DLG2: variants seen among roughly 807,000 people sequenced by gnomAD.
The protein encoded by DLG2 is disks large homolog 2.
DLG2 carries 45 observed loss-of-function variants against 132.5 expected under a neutral mutation model. The observed-to-expected ratio is 0.34, with a 90% CI of 0.27 to 0.44. The LOEUF (loss-of-function observed/expected upper bound fraction) is 0.44, where lower values mean the gene tolerates loss of function less well. Ranked by LOEUF, DLG2 falls within the 20% of genes least tolerant of loss-of-function variation. The probability of loss-of-function intolerance (pLI) is 1.00; values close to 1 mark genes in which losing one functional copy is unlikely to be tolerated. For missense variants in DLG2, 1,045 were observed against 1,196.9 expected (o/e 0.87, Z 1.87); for synonymous variants, 424 against 419.6 (o/e 1.01, Z -0.13).
At chr11:84,531,069 T>C (rs1199598154) in intron 7 of DLG2, among the ~76,000 whole-genome samples, 1 of 152,020 alleles carries the variant, frequency 6.6e-6, no homozygotes, top group Non-Finnish European at 1.5e-5. Context: ...GGAGCCAAGA[T>C]TGTGCCACTG....
At chr11:85,015,604 C>A (rs1369157675) in intron 6 of DLG2, among the ~76,000 whole-genome samples, 1 of 152,008 alleles carries the variant, frequency 6.6e-6, no homozygotes, top group African/African-American at 2.4e-5. Context: ...AGAGCAAAAG[C>A]TTGAAAAAGA....
chr11:83,611,073 C>T (rs1158505877), intron 19 of DLG2, among the ~76,000 whole-genome samples: 1 of 152,016 alleles, frequency 6.6e-6, no homozygotes, highest in African/African-American at 2.4e-5. Context: ...CAAAAAAAAT[C>T]AGATCTAAAA....
rs71036441 is a variant in DLG2, at chr11:84,777,281, G to GTATATATA, written c.358-242558_358-242551dup. 3.5e-3 allele frequency among the ~76,000 whole-genome samples: 333 copies of GTATATATA among 94,920 alleles called. 2 individuals carry two copies. Among genetic ancestry groups the GTATATATA allele is most frequent in the East Asian group, 7.6e-3 (19 of 2,510 alleles). The allele number at this position is 94,920 out of a possible 152,430, so 62.3% of individuals were successfully genotyped here. On this transcript the variant is annotated intron_variant, in intron 6 of 27. Transcript: ENST00000376104. ...TGTGTGTGTATGTATATGTGTGTGT[G>GTATATATA]TATATATATATATATATATATATAT...
chr11:84,992,885 G>C (rs974653934), intron 6 of DLG2, among the ~76,000 whole-genome samples: 3 of 152,120 alleles, frequency 2.0e-5, no homozygotes, highest in African/African-American at 7.2e-5. Flanking sequence ...CAAGGATCTA[G>C]AACCAGAAAT....
Position 84,555,844 on chromosome 11 carries a change from C to G in DLG2, c.358-21113G>C, listed in dbSNP as rs146850138. Among the ~76,000 whole-genome samples the G allele has an allele frequency of 3.2e-3, 494 of 152,320 alleles. 2 individuals carry two copies. The highest frequency in any genetic ancestry group is 6.8e-3 in the Middle Eastern group (2 of 294). ...TACTACAATTTTTTAAAAGCTTACT[C>G]TAGCTGCCAAAGGAGAATGGATTCA... On this transcript the variant is annotated intron_variant, in intron 6 of 27. Transcript: ENST00000376104.
intron 26 of DLG2, among the ~76,000 whole-genome samples, chr11:83,463,225 A>G (rs2090372396): frequency 6.6e-6 from 1 of 151,788 alleles, no homozygotes. Flanking sequence ...TATTATACCA[A>G]GACTTGATAT....
intron 3 of DLG2, among the ~76,000 whole-genome samples, chr11:85,320,394 T>C (rs2080978056): frequency 6.6e-6 from 1 of 151,884 alleles, no homozygotes; most frequent in Non-Finnish European, 1.5e-5. Context: ...CACTTTTATT[T>C]GTATATTATG....
chr11:84,392,731 A>G (rs1319201102), intron 7 of DLG2, among the ~76,000 whole-genome samples: 1 of 152,150 alleles, frequency 6.6e-6, no homozygotes, highest in African/African-American at 2.4e-5. Flanking sequence ...ATCTTAGGTA[A>G]AACATCTTGT....
intron 4 of DLG2, among the ~76,000 whole-genome samples, chr11:85,219,860 A>C (rs1398666478): frequency 6.6e-6 from 1 of 151,406 alleles, no homozygotes; most frequent in Non-Finnish European, 1.5e-5. Context: ...GAGAGAGGAG[A>C]ATCTGAAATT....
intron 11 of DLG2, among the ~76,000 whole-genome samples, chr11:84,038,661 C>T (rs542828866): frequency 6.6e-6 from 1 of 152,120 alleles, no homozygotes; most frequent in African/African-American, 2.4e-5. Context: ...CAGATATTAT[C>T]CATATTCTAT....
intron 7 of DLG2, among the ~76,000 whole-genome samples, chr11:84,433,193 T>C (rs979573903): frequency 2.6e-5 from 4 of 152,258 alleles, no homozygotes; most frequent in South Asian, 2.1e-4. Flanking sequence ...GTACTTTTCA[T>C]AATGTGCACT....
intron 18 of DLG2, among the ~76,000 whole-genome samples, chr11:83,782,352 T>C (rs78382357): frequency 0.031 from 4,788 of 152,276 alleles, 252 homozygotes; most frequent in African/African-American, 0.11. Flanking sequence ...CAAATTCATA[T>C]TGCATGGATT....
intron 7 of DLG2, among the ~76,000 whole-genome samples, chr11:84,494,200 GT>G (rs1262713571): frequency 6.6e-6 from 1 of 152,086 alleles, no homozygotes; most frequent in Non-Finnish European, 1.5e-5. Context: ...TTTCTTGTGT[GT>G]GGTCAAGAAA....
chr11:85,025,830 T>C (rs866359130), intron 6 of DLG2, among the ~76,000 whole-genome samples: 10 of 146,430 alleles, frequency 6.8e-5, no homozygotes, highest in Admixed American at 2.1e-4. Flanking sequence ...GATTTGAATA[T>C]GTATTAGAAC....
At chr11:83,863,438 G>C (rs916252079) in intron 16 of DLG2, among the ~76,000 whole-genome samples, 1 of 152,012 alleles carries the variant, frequency 6.6e-6, no homozygotes, top group African/African-American at 2.4e-5. Context: ...ATCTCCTCAG[G>C]GTGTGTGAGA....
At chr11:84,307,682 C>G (rs1044771592) in intron 7 of DLG2, among the ~76,000 whole-genome samples, 3 of 107,286 alleles carry the variant, frequency 2.8e-5, no homozygotes, top group East Asian at 2.5e-4. Context: ...GGTGAAAGAG[C>G]GAGACGCAGT....
At chr11:84,404,326 C>T (rs1231053642) in intron 7 of DLG2, among the ~76,000 whole-genome samples, 1 of 152,116 alleles carries the variant, frequency 6.6e-6, no homozygotes, top group African/African-American at 2.4e-5. Flanking sequence ...TCCACCTTTT[C>T]CTACCTAGTT....
rs188789815 is a variant in DLG2 at position 84,610,286 on chromosome 11, T to G, written c.358-75555A>C. 5.3e-3 allele frequency among the ~76,000 whole-genome samples: 812 copies of G among 152,232 alleles called. 4 individuals are homozygous for G. Among genetic ancestry groups the G allele is most frequent in the Non-Finnish European group, 8.5e-3 (579 of 67,998 alleles). On this transcript the variant is annotated intron_variant, in intron 6 of 27. Coordinates refer to ENST00000376104, the MANE Select transcript of DLG2 (RefSeq NM_001142699.3). ...AATATCATAAAATTAATACTAATTATTATTCTGTAGTGAGCATATATTACT... is the reference window on the plus strand; with the variant it reads ...AATATCATAAAATTAATACTAATTAGTATTCTGTAGTGAGCATATATTACT...
chr11:84,483,084 G>A (rs1370553775), intron 7 of DLG2, among the ~76,000 whole-genome samples: 7 of 152,034 alleles, frequency 4.6e-5, no homozygotes, highest in Admixed American at 4.6e-4. Context: ...GAAACAAATG[G>A]TCATTATTCA....
Sources: allele counts gnomAD v4.1 joint callset (sites outside exome capture counted in the v4.1 genomes callset), GRCh38; gene constraint gnomAD v4.1.1; transcripts MANE v1.5; gene names NCBI Gene and HGNC (gene_info 2026-07-23, HGNC 2026-07-21).